Variants in GPR161 observed in about 807,000 individuals in gnomAD.
GPR161 encodes the protein G-protein coupled receptor RE2.
GPR161 carries 25 observed loss-of-function variants against 39.2 expected under a neutral mutation model. The ratio of observed to expected loss-of-function variants is 0.64; its 90% confidence interval spans 0.47 to 0.89. The LOEUF is 0.89. Ranked by LOEUF, GPR161 falls within the 40% of genes least tolerant of loss-of-function variation. The pLI is 0.00. For synonymous variants in GPR161, 286 were observed against 276.6 expected, an observed-to-expected ratio of 1.03 and a Z score of -0.34; for missense variants, 547 against 677.8, an observed-to-expected ratio of 0.81 and a Z score of 2.14.
chr1:168,093,493 C>T (rs1391774841), intron 3 of GPR161, among the ~76,000 whole-genome samples: 1 of 152,248 alleles, frequency 6.6e-6, no homozygotes, highest in African/African-American at 2.4e-5. Flanking sequence ...CTGCTTCTGC[C>T]TTTGCTCATA....
At chr1:168,099,843 G>T (rs1303298729) in intron 2 of GPR161, among the ~76,000 whole-genome samples, 2 of 146,012 alleles carry the variant, frequency 1.4e-5, no homozygotes, top group South Asian at 4.7e-4. Flanking sequence ...TTTTGGGGGG[G>T]GGGGGTTGGT....
At chr1:168,136,123 A>C in intron 1 of GPR161, 1 of 1,260,188 alleles carries the variant, frequency 7.9e-7, no homozygotes, top group Non-Finnish European at 1.0e-6. Flanking sequence ...AACCAGCCGA[A>C]TCTCCCTCCC....
chr1:168,106,341 C>G (rs1696624592), intron 1 of GPR161, among the ~76,000 whole-genome samples: 1 of 152,232 alleles, frequency 6.6e-6, no homozygotes, highest in Non-Finnish European at 1.5e-5. Flanking sequence ...AATCCCAGCA[C>G]TTTGGGAGGC....
chr1:168,104,662 G>T lies in GPR161; in HGVS notation c.189C>A (p.Asn63Lys). 1 of 1,614,018 alleles carries T rather than the reference G, an allele frequency of 6.2e-7. No homozygotes were observed. The highest frequency in any genetic ancestry group is 8.5e-7 in the Non-Finnish European group (1 of 1,179,890). Reference protein sequence around the residue: ...YKKSYLLTLSNKFVFSLTLSN... With the variant: ...YKKSYLLTLSKKFVFSLTLSN... ...ACAGAGTCAGGCTGAAGACGAACTT[G>T]TTGCTGAGGGTGAGGAGGTAGGACT... Residue 63 changes from asparagine to lysine, a missense_variant, in exon 2 of 6, where the codon AAC (asparagine) becomes AAA (lysine). Transcript: ENST00000682931.
At chr1:168,126,278 T>C (rs946171034) in intron 1 of GPR161, among the ~76,000 whole-genome samples, 6 of 152,140 alleles carry the variant, frequency 3.9e-5, no homozygotes, top group South Asian at 2.1e-4. Flanking sequence ...CTCACCTCCT[T>C]GTTGCCACTT....
Position 168,082,059 on chromosome 1 carries a change from C to T in GPR161, c.*3472G>A, listed in dbSNP as rs374899778. Reference sequence around the variant, plus strand: ...TCATTGTATCAAAGCATTTTTCCTCCGTCTCCTGTCTCAACCCAAATTCCT... The same window carrying T: ...TCATTGTATCAAAGCATTTTTCCTCTGTCTCCTGTCTCAACCCAAATTCCT... On this transcript the variant is annotated 3_prime_UTR_variant, in exon 6 of 6. Transcript: ENST00000682931. 181 of 152,304 alleles carry T rather than the reference C, an allele frequency of 1.2e-3. No individual in the cohort carries two copies. Among genetic ancestry groups the T allele is most frequent in the African/African-American group, 3.9e-3 (163 of 41,560 alleles). 9.4% of individuals were successfully genotyped at this position (152,304 alleles called of 1,614,324 possible). A position where few individuals can be genotyped will look rare whatever the true frequency, so the allele number is the denominator to read the frequency against.
chr1:168,128,522 CTTCTCA>C (rs1698755914), intron 1 of GPR161, among the ~76,000 whole-genome samples: 1 of 152,192 alleles, frequency 6.6e-6, no homozygotes, highest in Non-Finnish European at 1.5e-5. Flanking sequence ...TGGGTTCATT[CTTCTCA>C]TTCTGTTTTT....
chr1:168,099,752 A>G (rs1248953894), intron 2 of GPR161, among the ~76,000 whole-genome samples: 2 of 147,172 alleles, frequency 1.4e-5, no homozygotes, highest in African/African-American at 5.0e-5. Context: ...TCCACCTCCT[A>G]CAGGCAGAAA....
chr1:168,131,134 C>T (rs1268889933), intron 1 of GPR161, among the ~76,000 whole-genome samples: 1 of 152,202 alleles, frequency 6.6e-6, no homozygotes, highest in Non-Finnish European at 1.5e-5. Context: ...CTCACTGCCA[C>T]TACCCCAGCT....
intron 1 of GPR161, among the ~76,000 whole-genome samples, chr1:168,123,945 G>A (rs569537508): frequency 4.7e-4 from 72 of 152,334 alleles, no homozygotes; most frequent in Middle Eastern, 3.4e-3. Context: ...GTTAAGTCCT[G>A]TAGCAGAGTT....
Position 168,119,254 on chromosome 1 carries a change from A to G in GPR161, c.-44-14360T>C, listed in dbSNP as rs61523600. Among the ~76,000 whole-genome samples the G allele has an allele frequency of 2.8e-3, 316 of 114,568 alleles. 2 individuals are homozygous for G. Among genetic ancestry groups the G allele is most frequent in the East Asian group, 0.011 (41 of 3,698 alleles). The allele number at this position is 114,568 out of a possible 152,430, so 75.2% of individuals were successfully genotyped here. A position where few individuals can be genotyped will look rare whatever the true frequency, so the allele number is the denominator to read the frequency against. On this transcript the variant is annotated intron_variant, in intron 1 of 5. Transcript: ENST00000682931. ...TATATATATATATACACATATATAT[A>G]TACGTATATATATGTGTATATATAT...
chr1:168,084,956 A>G lies in GPR161; in HGVS notation c.*575T>C. On this transcript the variant is annotated 3_prime_UTR_variant, in exon 6 of 6. Transcript: ENST00000682931. ...GTGGCGCCACTGAGGACCGCTCCGA[A>G]GCGCTCTGCTCCTGGGTGCTTTCTC... 1 of 456,244 alleles carries G rather than the reference A, an allele frequency of 2.2e-6. No homozygotes were observed. Among genetic ancestry groups the G allele is most frequent in the Non-Finnish European group, 4.4e-6 (1 of 226,956 alleles). 28.3% of individuals were successfully genotyped at this position (456,244 alleles called of 1,614,324 possible).
Position 168,123,537 on chromosome 1 carries a change from TACACACACACAC to T in GPR161, c.-45+13190_-45+13201del, listed in dbSNP as rs10534836. 3.3e-3 allele frequency among the ~76,000 whole-genome samples: 456 copies of T among 138,212 alleles called. 8 individuals carry two copies. The highest frequency in any genetic ancestry group is 0.023 in the South Asian group (92 of 4,088). The allele number at this position is 138,212 out of a possible 152,430, so 90.7% of individuals were successfully genotyped here. ...ATATAGATATAGATATGCACATACA[TACACACACACAC>T]ACACACACACACACACACACACACA... is the stretch of plus-strand genomic sequence containing the variant. On this transcript the variant is annotated intron_variant, in intron 1 of 5. Coordinates refer to ENST00000682931, the MANE Select transcript of GPR161 (RefSeq NM_001375883.1).
At chr1:168,088,558 A>AC (rs1694764441) in intron 4 of GPR161, 1 of 152,218 alleles carries the variant, frequency 6.6e-6, no homozygotes, top group African/African-American at 2.4e-5. Context: ...GGTCGGACAG[A>AC]CCTAGGATCA....
chr1:168,085,065 A>G lies in GPR161; in HGVS notation c.*466T>C, dbSNP rs1014744388. ...CCAGGACGGTCGCGTGTCATTAGGA[A>G]GAAGTGCTGTGTCATCCTTCACAGT... is the stretch of plus-strand genomic sequence containing the variant. On this transcript the variant is annotated 3_prime_UTR_variant, in exon 6 of 6. Coordinates refer to ENST00000682931, the MANE Select transcript of GPR161 (RefSeq NM_001375883.1). 3 of 456,634 alleles carry G rather than the reference A, an allele frequency of 6.6e-6. No homozygotes were observed. The highest frequency in any genetic ancestry group is 1.3e-5 in the Non-Finnish European group (3 of 227,320). 28.3% of individuals were successfully genotyped at this position (456,634 alleles called of 1,614,324 possible).
chr1:168,124,938 C>T (rs1475780725), intron 1 of GPR161, among the ~76,000 whole-genome samples: 1 of 152,226 alleles, frequency 6.6e-6, no homozygotes, highest in East Asian at 1.9e-4. Flanking sequence ...GACTCTTGTC[C>T]AGTCTGCAGA....
intron 2 of GPR161, among the ~76,000 whole-genome samples, chr1:168,102,110 G>A (rs906943140): frequency 6.6e-6 from 1 of 152,130 alleles, no homozygotes; most frequent in Non-Finnish European, 1.5e-5. Flanking sequence ...GCCTCAGCAT[G>A]TTTATTCATC....
chr1:168,110,148 C>T (rs1325462777), intron 1 of GPR161, among the ~76,000 whole-genome samples: 2 of 152,114 alleles, frequency 1.3e-5, no homozygotes, highest in African/African-American at 2.4e-5. Flanking sequence ...TCACCATGAG[C>T]GACAGTCAAC....
chr1:168,085,058 A>T lies in GPR161; in HGVS notation c.*473T>A, dbSNP rs1205308110. 2.2e-6 allele frequency: 1 copy of T among 456,550 alleles called. No individual in the cohort carries two copies. Among genetic ancestry groups the T allele is most frequent in the South Asian group, 1.5e-5 (1 of 64,560 alleles). The allele number at this position is 456,550 out of a possible 1,614,324, so 28.3% of individuals were successfully genotyped here. A position where few individuals can be genotyped will look rare whatever the true frequency, so the allele number is the denominator to read the frequency against. ...AGAGGCACCAGGACGGTCGCGTGTCATTAGGAAGAAGTGCTGTGTCATCCT... is the reference window on the plus strand; with the variant it reads ...AGAGGCACCAGGACGGTCGCGTGTCTTTAGGAAGAAGTGCTGTGTCATCCT... On this transcript the variant is annotated 3_prime_UTR_variant, in exon 6 of 6. Coordinates refer to ENST00000682931, the MANE Select transcript of GPR161 (RefSeq NM_001375883.1).
Sources: allele counts gnomAD v4.1 joint callset (sites outside exome capture counted in the v4.1 genomes callset), GRCh38; gene constraint gnomAD v4.1.1; transcripts MANE v1.5; gene names NCBI Gene and HGNC (gene_info 2026-07-23, HGNC 2026-07-21).